TP53I11: variants seen among roughly 807,000 people sequenced by gnomAD.
TP53I11 encodes tumor protein p53-inducible protein 11.
Under a neutral mutation model 23.3 loss-of-function variants are expected in TP53I11, and 9 were observed. The observed-to-expected ratio is 0.39, with a 90% CI of 0.23 to 0.67. The LOEUF is 0.67. Ranked by LOEUF, TP53I11 falls within the 30% of genes least tolerant of loss-of-function variation. TP53I11 has a pLI of 0.48. For synonymous variants in TP53I11, 100 were observed against 106.1 expected, an observed-to-expected ratio of 0.94 and a Z score of 0.35; for missense variants, 170 against 255.2, an observed-to-expected ratio of 0.67 and a Z score of 2.27.
intron 2 of TP53I11, 73 bp downstream of exon 2, chr11:44,938,134 T>A (rs1406305734): frequency 1.4e-5 from 21 of 1,512,782 alleles, no homozygotes; most frequent in Non-Finnish European, 1.8e-5. Context: ...GGGCCTGGGC[T>A]AACCTTCTCC....
intron 1 of TP53I11, among the ~76,000 whole-genome samples, chr11:44,950,410 G>A (rs1862833341): frequency 1.3e-5 from 2 of 152,216 alleles, no homozygotes; most frequent in Admixed American, 1.3e-4. Flanking sequence ...GTCAGAGGGA[G>A]GGGCGGCGAG....
At chr11:44,944,862 T>TA (rs202207228) in intron 1 of TP53I11, among the ~76,000 whole-genome samples, 1,836 of 152,304 alleles carry the variant, frequency 0.012, 26 homozygotes, top group Non-Finnish European at 0.014. Context: ...GGCTCTGCCC[T>TA]GGCCAGATCA....
chr11:44,950,809 A>ACAGGGCAGGG lies in TP53I11; in HGVS notation c.-174_-165dup, dbSNP rs61182512. On this transcript the variant is annotated 5_prime_UTR_variant, in exon 1 of 7. Transcript: ENST00000525680. ...GCAGGGCAGGGCAGGGCAGGGCAGGACAGGGCAGGGCAGGGCAGGGCCGGG... is the reference window on the plus strand; with the variant it reads ...GCAGGGCAGGGCAGGGCAGGGCAGGACAGGGCAGGGCAGGGCAGGGCAGGGCAGGGCCGGG... 5.0e-4 allele frequency: 75 copies of ACAGGGCAGGG among 150,220 alleles called. No individual in the cohort carries two copies. Among genetic ancestry groups the ACAGGGCAGGG allele is most frequent in the African/African-American group, 1.8e-3 (72 of 40,768 alleles). The allele number at this position is 150,220 out of a possible 1,614,324, so 9.3% of individuals were successfully genotyped here. A position where few individuals can be genotyped will look rare whatever the true frequency, so the allele number is the denominator to read the frequency against.
At chr11:44,944,037 G>T (rs1049449947) in intron 1 of TP53I11, among the ~76,000 whole-genome samples, 5 of 152,244 alleles carry the variant, frequency 3.3e-5, no homozygotes, top group Admixed American at 6.5e-5. Flanking sequence ...GCCACTCTCT[G>T]TTGGTCAGGT....
rs1861050755 is a variant in TP53I11, at chr11:44,935,860, T to C, written c.335-198A>G. ...CTGTCCCCTCCAGACTCAATGCTGC[T>C]GCTTCAGCCTGCTCCTGTCATTCCA... is the stretch of plus-strand genomic sequence containing the variant. On this transcript the variant is annotated intron_variant, in intron 5 of 6. Coordinates refer to ENST00000525680, the MANE Select transcript of TP53I11 (RefSeq NM_006034.5). The C allele has an allele frequency of 6.7e-6, 4 of 598,224 alleles. No individual in the cohort carries two copies. The Admixed American group carries it at 8.7e-5, about 13-fold the overall frequency. The allele number at this position is 598,224 out of a possible 1,614,324, so 37.1% of individuals were successfully genotyped here.
intron 1 of TP53I11, among the ~76,000 whole-genome samples, chr11:44,942,498 C>T (rs775379980): frequency 1.3e-4 from 20 of 151,538 alleles, no homozygotes; most frequent in Non-Finnish European, 1.6e-4. Flanking sequence ...CATCCCAGGA[C>T]GGAGTCAACA....
intron 1 of TP53I11, among the ~76,000 whole-genome samples, chr11:44,943,839 G>A (rs772798610): frequency 6.6e-6 from 1 of 152,206 alleles, no homozygotes; most frequent in Admixed American, 6.5e-5. Flanking sequence ...TGAGGCTGGG[G>A]TGCACAGCAG....
At chr11:44,948,678 C>CT (rs147900741) in intron 1 of TP53I11, among the ~76,000 whole-genome samples, 5,854 of 152,330 alleles carry the variant, frequency 0.038, 173 homozygotes, top group Non-Finnish European at 0.059. Flanking sequence ...GTCCCTGGCA[C>CT]TTTGCTCCAT....
chr11:44,934,691 C>A lies in TP53I11; in HGVS notation c.*193G>T. On this transcript the variant is annotated 3_prime_UTR_variant, in exon 7 of 7. Coordinates refer to ENST00000525680, the MANE Select transcript of TP53I11 (RefSeq NM_006034.5). ...CCTGTCTCTCCCCAGACCAGCATGT[C>A]AAGCCTGAAAGCCCAGGAGATCACA... is the stretch of plus-strand genomic sequence containing the variant. The A allele has an allele frequency of 1.4e-6, 1 of 712,056 alleles. No individual in the cohort carries two copies. Among genetic ancestry groups the A allele is most frequent in the Non-Finnish European group, 2.3e-6 (1 of 443,282 alleles). The allele number at this position is 712,056 out of a possible 1,614,324, so 44.1% of individuals were successfully genotyped here.
rs751547618 is a variant in TP53I11, at chr11:44,936,897, C to A, written c.240G>T (p.Ala80=). ...CATAGAGCTGGTCAGGGAAGGCAAG[C>A]GCCTGCGGGCAGCGAGAGGGGCTCA... The part of the protein sequence containing the change: ...AVLFSGIAIM[A]LAFPDQLYDA... The change falls in exon 5 of 7, where the codon GCG becomes GCT. Residue 80 remains alanine (A), a splice_region_variant and synonymous_variant. Coordinates refer to ENST00000525680, the MANE Select transcript of TP53I11 (RefSeq NM_006034.5). This position sits in a 1 kb window ranked among gnomAD's most constrained non-coding sequence, Gnocchi z 4.4. The A allele has an allele frequency of 6.2e-7, 1 of 1,602,218 alleles. No homozygotes were observed. Among genetic ancestry groups the A allele is most frequent in the Non-Finnish European group, 8.5e-7 (1 of 1,175,526 alleles).
At chr11:44,949,141 G>A (rs1250612444) in intron 1 of TP53I11, among the ~76,000 whole-genome samples, 1 of 152,200 alleles carries the variant, frequency 6.6e-6, no homozygotes, top group African/African-American at 2.4e-5. Context: ...GAAGCCTGGA[G>A]AATAGTCTTA....
In TP53I11 at chr11:44,932,672, G is replaced by A. The variant is rs530291031; in HGVS notation, c.*2212C>T. ...AGTCCCCCTGCCCTCCAAGCTGTACGTCTGTCTTCCAGATCTTACCTGACC... is the reference window on the plus strand; with the variant it reads ...AGTCCCCCTGCCCTCCAAGCTGTACATCTGTCTTCCAGATCTTACCTGACC... On this transcript the variant is annotated 3_prime_UTR_variant, in exon 7 of 7. Transcript: ENST00000525680. The A allele has an allele frequency of 2.6e-4, 40 of 152,552 alleles. No individual in the cohort carries two copies. Among genetic ancestry groups the A allele is most frequent in the Middle Eastern group, 3.3e-3 (1 of 306 alleles). 9.4% of individuals were successfully genotyped at this position (152,552 alleles called of 1,614,324 possible).
chr11:44,935,514 G>C (rs763287043), intron 6 of TP53I11, 47 bp downstream of exon 6: 6 of 1,571,080 alleles, frequency 3.8e-6, no homozygotes, highest in Non-Finnish European at 5.3e-6. Flanking sequence ...GCAGGTCAGG[G>C]GCGAAGCGGC....
At chr11:44,943,548 T>C (rs1374041934) in intron 1 of TP53I11, among the ~76,000 whole-genome samples, 1 of 152,200 alleles carries the variant, frequency 6.6e-6, no homozygotes, top group Admixed American at 6.5e-5. Context: ...CAACAGTGGT[T>C]CTCATTGCTG....
At chr11:44,937,281 A>T in intron 4 of TP53I11, 23 bp downstream of exon 4, 1 of 1,526,766 alleles carries the variant, frequency 6.5e-7, no homozygotes, top group African/African-American at 1.4e-5. Context: ...GCCAGATCTC[A>T]GGGGCTGGGG....
chr11:44,944,488 C>G (rs2683067), intron 1 of TP53I11, among the ~76,000 whole-genome samples: 131,402 of 152,182 alleles, frequency 0.86, 56,808 homozygotes, highest in African/African-American at 0.9. Flanking sequence ...CCTCCACATG[C>G]TTCCCAGGGG....
intron 1 of TP53I11, 147 bp from the exon 2 acceptor site, chr11:44,938,513 GCTTC>G: frequency 1.1e-6 from 1 of 940,354 alleles, no homozygotes; most frequent in Non-Finnish European, 1.5e-6. Context: ...AGTACAGCTG[GCTTC>G]CTTGTCAAAT....
chr11:44,939,728 T>C (rs1861564264), intron 1 of TP53I11, among the ~76,000 whole-genome samples: 1 of 57,392 alleles, frequency 1.7e-5, no homozygotes, highest in Non-Finnish European at 4.5e-5. Context: ...CCATGTCGCA[T>C]TGGGAAAAAA....
Position 44,936,577 on chromosome 11 carries a change from G to A in TP53I11, c.334+226C>T. ...CACACACTTATGAGCGCTCCTTGCA[G>A]ATGGTGGCGACTGCAAGCTCCAACC... On this transcript the variant is annotated intron_variant, in intron 5 of 6. Transcript: ENST00000525680. The surrounding 1 kb of genome is among the most constrained non-coding windows in gnomAD (Gnocchi z 4.4). 3.8e-6 allele frequency: 5 copies of A among 1,311,364 alleles called. No individual in the cohort carries two copies. Among genetic ancestry groups the A allele is most frequent in the Non-Finnish European group, 4.9e-6 (5 of 1,030,714 alleles). 81.2% of individuals were successfully genotyped at this position (1,311,364 alleles called of 1,614,324 possible).
Sources: gnomAD v4.1 joint callset for allele counts (sites outside exome capture counted in the v4.1 genomes callset) on GRCh38, gnomAD v4.1.1 for gene constraint, Gnocchi (gnomAD v3.1) non-coding constraint, MANE v1.5 for transcripts, NCBI Gene and HGNC (gene_info 2026-07-23, HGNC 2026-07-21) for gene names.